The following LINC00632 variants were observed in gnomAD, a reference collection of about 807,000 sequenced individuals.
LINC00632 encodes long independently transcribed non-coding RNA 632, also known as ALDOA related specific transcript.
intron 3 of LINC00632, among the ~76,000 whole-genome samples, chrX:140,744,643 C>T (rs1178805584): frequency 9.4e-6 from 1 of 106,515 alleles, no homozygotes; most frequent in South Asian, 4.5e-4. Context: ...GATCTTGGCT[C>T]ACTGCAACCT....
chrX:140,715,822 C>T (rs1005407991), intron 2 of LINC00632, among the ~76,000 whole-genome samples: 2 of 111,535 alleles, frequency 1.8e-5, no homozygotes, highest in Admixed American at 1.9e-4. Flanking sequence ...CACAGATTCA[C>T]CTATCAATAT....
At chrX:140,724,033 TAC>T (rs750302802) in intron 2 of LINC00632, among the ~76,000 whole-genome samples, 65 of 36,824 alleles carry the variant, frequency 1.8e-3, no homozygotes, top group African/African-American at 4.1e-3. Context: ...ACACATTCCA[TAC>T]ACACACACAT....
chrX:140,784,426 C>T (rs193025936), exon 5 of LINC00632: 1 of 1,156,177 alleles, frequency 8.6e-7, no homozygotes, highest in East Asian at 3.0e-5. Flanking sequence ...GCTACGTCTT[C>T]CAACAAATCC....
intron 2 of LINC00632, among the ~76,000 whole-genome samples, chrX:140,726,439 T>G (rs980879370): frequency 1.8e-5 from 2 of 110,731 alleles, no homozygotes; most frequent in Non-Finnish European, 3.8e-5. Context: ...ATTCCTAAAT[T>G]TACACCAAAC....
At chrX:140,771,697 T>TTTTA (rs1931801377) in intron 3 of LINC00632, among the ~76,000 whole-genome samples, 1 of 95,807 alleles carries the variant, frequency 1.0e-5, no homozygotes, top group Non-Finnish European at 2.1e-5. Context: ...TTTTTTTTTT[T>TTTTA]GAGACGGAAT....
At chrX:140,758,936 T>G (rs1475678408) in intron 3 of LINC00632, among the ~76,000 whole-genome samples, 1 of 103,130 alleles carries the variant, frequency 9.7e-6, no homozygotes, top group East Asian at 3.2e-4. Flanking sequence ...CTTCTTTCAT[T>G]TATTTTATTT....
Position 140,781,766 on chromosome X carries a change from A to AT in LINC00632, n.9793dup, listed in dbSNP as rs984686011. Among the ~76,000 whole-genome samples the AT allele has an allele frequency of 1.3e-4, 14 of 111,196 alleles. 1 individual carries two copies. Among genetic ancestry groups the AT allele is most frequent in the Admixed American group, 1.9e-4 (2 of 10,485 alleles). On this transcript the variant is annotated non_coding_transcript_exon_variant, in exon 5 of 5. Transcript: ENST00000648200. ...GCCCTTGGGCCAATGCAGCCCAACC[A>AT]TTTTTTTTAAGTAAAGTTTTAATGC... is the stretch of plus-strand genomic sequence containing the variant.
intron 1 of LINC00632, among the ~76,000 whole-genome samples, chrX:140,710,592 T>C (rs1930494693): frequency 9.1e-6 from 1 of 109,775 alleles, no homozygotes; most frequent in African/African-American, 3.3e-5. Context: ...AATGTTTGTT[T>C]CTGAAACATT....
intron 3 of LINC00632, among the ~76,000 whole-genome samples, chrX:140,734,204 T>G (rs1232138056): frequency 8.9e-6 from 1 of 112,353 alleles, no homozygotes; most frequent in Non-Finnish European, 1.9e-5. Context: ...CAGTGATCTT[T>G]GTACTTTCTA....
At chrX:140,736,755 A>C (rs1005798425) in intron 3 of LINC00632, among the ~76,000 whole-genome samples, 11 of 110,076 alleles carry the variant, frequency 1.0e-4, no homozygotes, top group African/African-American at 3.3e-4. Context: ...CTTTTTAACG[A>C]TATTTTATGA....
At chrX:140,734,345 C>A (rs1031044112) in intron 3 of LINC00632, among the ~76,000 whole-genome samples, 2 of 111,381 alleles carry the variant, frequency 1.8e-5, no homozygotes, top group Non-Finnish European at 3.8e-5. Context: ...AATACTCCGA[C>A]TTTTAAATAA....
chrX:140,745,790 T>C (rs186770214), intron 3 of LINC00632, among the ~76,000 whole-genome samples: 2 of 112,404 alleles, frequency 1.8e-5, no homozygotes, highest in East Asian at 5.6e-4. Flanking sequence ...TTCTTCCCTA[T>C]ATTATCCCTA....
intron 2 of LINC00632, among the ~76,000 whole-genome samples, chrX:140,717,331 C>A (rs1930650985): frequency 1.8e-5 from 2 of 110,264 alleles, no homozygotes; most frequent in Non-Finnish European, 3.8e-5. Flanking sequence ...AACTACATGC[C>A]CCACATCGCC....
intron 3 of LINC00632, among the ~76,000 whole-genome samples, chrX:140,735,848 G>A (rs1291207763): frequency 2.7e-5 from 3 of 111,676 alleles, no homozygotes; most frequent in African/African-American, 9.8e-5. Flanking sequence ...TTACAGGCAT[G>A]AGTCACCACG....
intron 2 of LINC00632, among the ~76,000 whole-genome samples, chrX:140,717,038 G>A (rs1397067758): frequency 9.1e-6 from 1 of 109,879 alleles, no homozygotes; most frequent in Non-Finnish European, 1.9e-5. Flanking sequence ...AGGCTGGAGT[G>A]CAGTGGCGCA....
exon 5 of LINC00632, chrX:140,782,755 C>A (rs763352732): frequency 3.5e-4 from 39 of 111,747 alleles, no homozygotes; most frequent in African/African-American, 1.2e-3. Flanking sequence ...TCAGGTACAT[C>A]AATATCCTCA....
exon 5 of LINC00632, among the ~76,000 whole-genome samples, chrX:140,787,178 G>GA (rs113750141): frequency 0.15 from 16,473 of 109,176 alleles, 965 homozygotes; most frequent in Non-Finnish European, 0.17. Flanking sequence ...TTAGCAAAGT[G>GA]AAAAAAAACA....
chrX:140,769,357 T>A (rs1931751137), intron 3 of LINC00632, among the ~76,000 whole-genome samples: 1 of 111,667 alleles, frequency 9.0e-6, no homozygotes, highest in African/African-American at 3.3e-5. Flanking sequence ...AGACCAGTCC[T>A]GTTGTTTTAC....
intron 3 of LINC00632, among the ~76,000 whole-genome samples, chrX:140,759,468 C>T (rs1005102949): frequency 2.8e-4 from 31 of 109,175 alleles, no homozygotes; most frequent in Non-Finnish European, 4.6e-4. Flanking sequence ...GTCATTCTCC[C>T]GCCTCAGCCT....
Sources: gnomAD v4.1 joint callset for allele counts (sites outside exome capture counted in the v4.1 genomes callset) on GRCh38, gnomAD v4.1.1 for gene constraint, MANE v1.5 for transcripts, NCBI Gene and HGNC (gene_info 2026-07-23, HGNC 2026-07-21) for gene names.